The following DCAF8L2 variants were observed in gnomAD, a reference collection of about 807,000 sequenced individuals.
The protein encoded by DCAF8L2 is DDB1- and CUL4-associated factor 8-like protein 2.
For missense variants in DCAF8L2, 430 were observed against 490.7 expected, an observed-to-expected ratio of 0.88 and a Z score of 1.17; for synonymous variants, 200 against 190.9, an observed-to-expected ratio of 1.05 and a Z score of -0.39.
intron 4 of DCAF8L2, among the ~76,000 whole-genome samples, chrX:27,733,165 C>T (rs1312875357): frequency 9.0e-6 from 1 of 111,327 alleles, no homozygotes; most frequent in Non-Finnish European, 1.9e-5. Context: ...CCATGGTTTC[C>T]CTTTTATCCA....
the DCAF8L2 span, among the ~76,000 whole-genome samples, chrX:27,528,501 TACAC>T: frequency 1.0e-5 from 1 of 100,258 alleles, no homozygotes; most frequent in South Asian, 4.4e-4. Flanking sequence ...TATATATATA[TACAC>T]ACACACACAC....
At chrX:27,730,012 A>G (rs1014173784) in intron 4 of DCAF8L2, among the ~76,000 whole-genome samples, 1 of 111,909 alleles carries the variant, frequency 8.9e-6, no homozygotes, top group African/African-American at 3.3e-5. Context: ...TCATAATGTT[A>G]TAGGACTGGT....
At chrX:27,631,380 T>C (rs1928283967) in intron 1 of DCAF8L2, among the ~76,000 whole-genome samples, 2 of 111,639 alleles carry the variant, frequency 1.8e-5, no homozygotes, top group Admixed American at 1.9e-4. Context: ...AACATAGTAC[T>C]GGAAGTCCCA....
the DCAF8L2 span, among the ~76,000 whole-genome samples, chrX:27,577,365 G>T: frequency 9.0e-6 from 1 of 111,641 alleles, no homozygotes; most frequent in Non-Finnish European, 1.9e-5. Flanking sequence ...AAAAGTTTAC[G>T]GAGTTGTGCC....
chrX:27,513,255 A>C, the DCAF8L2 span, among the ~76,000 whole-genome samples: 1 of 112,424 alleles, frequency 8.9e-6, no homozygotes, highest in Admixed American at 9.5e-5. Context: ...GATTACATCA[A>C]ACTAAAAAGC....
the DCAF8L2 span, among the ~76,000 whole-genome samples, chrX:27,582,469 C>T: frequency 9.0e-6 from 1 of 110,808 alleles, no homozygotes; most frequent in African/African-American, 3.3e-5. Flanking sequence ...TTTATAATCT[C>T]GGTACTAATG....
At chrX:27,612,289 G>A (rs1291852118) in intron 1 of DCAF8L2, among the ~76,000 whole-genome samples, 3 of 111,659 alleles carry the variant, frequency 2.7e-5, no homozygotes, top group Non-Finnish European at 5.6e-5. Flanking sequence ...TTTTGATGGG[G>A]TTATTTGATT....
chrX:27,514,688 AAAAAAAAC>A, the DCAF8L2 span, among the ~76,000 whole-genome samples: 250 of 78,272 alleles, frequency 3.2e-3, 16 homozygotes, highest in African/African-American at 6.5e-3. Context: ...AAAAAAAAAA[AAAAAAAAC>A]AAAAAAAAAA....
intron 1 of DCAF8L2, among the ~76,000 whole-genome samples, chrX:27,606,017 T>A (rs751912970): frequency 5.6e-5 from 6 of 106,810 alleles, no homozygotes; most frequent in Non-Finnish European, 1.2e-4. Context: ...AAGAGTCTGT[T>A]GAATAGATGA....
intron 4 of DCAF8L2, 116 bp from the exon 5 acceptor site, chrX:27,746,722 G>C: frequency 2.2e-6 from 1 of 447,088 alleles, no homozygotes. Context: ...ACTGGCAACT[G>C]CCTTGGCAGA....
At chrX:27,627,136 G>A (rs761915481) in intron 1 of DCAF8L2, among the ~76,000 whole-genome samples, 7 of 108,756 alleles carry the variant, frequency 6.4e-5, no homozygotes, top group East Asian at 2.9e-4. Flanking sequence ...ATGCAGGCTG[G>A]TATTTCATTA....
At chrX:27,705,391 C>T (rs4009507) in intron 3 of DCAF8L2, among the ~76,000 whole-genome samples, 11,150 of 111,200 alleles carry the variant, frequency 0.1, 541 homozygotes, top group East Asian at 0.35. Flanking sequence ...AGTGACTGGA[C>T]CATTTTACAT....
chrX:27,610,452 T>C (rs1927105829), intron 1 of DCAF8L2, among the ~76,000 whole-genome samples: 1 of 111,117 alleles, frequency 9.0e-6, no homozygotes, highest in Non-Finnish European at 1.9e-5. Context: ...TAAATACTTA[T>C]TTTAACGAAG....
At chrX:27,667,131 G>C (rs1929766962) in intron 2 of DCAF8L2, among the ~76,000 whole-genome samples, 3 of 109,298 alleles carry the variant, frequency 2.7e-5, no homozygotes. Flanking sequence ...AGTAGAGAAA[G>C]GGGTGGGGTG....
intron 2 of DCAF8L2, among the ~76,000 whole-genome samples, chrX:27,670,680 G>T (rs1350692874): frequency 9.0e-6 from 1 of 111,212 alleles, no homozygotes. Flanking sequence ...GTTGGAGGGG[G>T]ACCTGGTGGG....
the DCAF8L2 span, among the ~76,000 whole-genome samples, chrX:27,539,686 A>G: frequency 6.4e-5 from 7 of 110,178 alleles, no homozygotes; most frequent in Admixed American, 9.8e-5. Context: ...ACAGTTAGCT[A>G]GTAAAGTTAA....
chrX:27,497,540 C>CTTT, the DCAF8L2 span, among the ~76,000 whole-genome samples: 6 of 85,179 alleles, frequency 7.0e-5, no homozygotes, highest in African/African-American at 3.3e-4. Flanking sequence ...TTCCTTCCTT[C>CTTT]CTTCCTTCCT....
intron 2 of DCAF8L2, among the ~76,000 whole-genome samples, chrX:27,648,635 G>C (rs969781040): frequency 9.1e-6 from 1 of 109,757 alleles, no homozygotes; most frequent in South Asian, 3.8e-4. Context: ...GAGGAATTTA[G>C]AATTGCACAA....
chrX:27,555,701 G>A, the DCAF8L2 span, among the ~76,000 whole-genome samples: 3 of 111,731 alleles, frequency 2.7e-5, no homozygotes, highest in Non-Finnish European at 5.6e-5. Context: ...ACTAGAGGTC[G>A]CTGTAGTGAC....
Sources: gnomAD v4.1 joint callset for allele counts (sites outside exome capture counted in the v4.1 genomes callset) on GRCh38, gnomAD v4.1.1 for gene constraint, MANE v1.5 for transcripts, NCBI Gene and HGNC (gene_info 2026-07-23, HGNC 2026-07-21) for gene names.